Variants in SHANK1 observed in about 807,000 individuals in gnomAD.
SHANK1 encodes the protein SH3 and multiple ankyrin repeat domains 1, also known as SH3 and multiple ankyrin repeat domains protein 1.
Under a neutral mutation model 165.6 loss-of-function variants are expected in SHANK1, and 35 were observed. The ratio of observed to expected loss-of-function variants is 0.21; its 90% CI spans 0.16 to 0.28. The LOEUF (loss-of-function observed/expected upper bound fraction) is 0.28, where lower values mean the gene tolerates loss of function less well. Ranked by LOEUF, SHANK1 falls within the 10% of genes least tolerant of loss-of-function variation. The pLI is 1.00. For synonymous variants in SHANK1, 1,428 were observed against 1,384.8 expected, an observed-to-expected ratio of 1.03 and a Z score of -0.69; for missense variants, 2,681 against 3,036.4, an observed-to-expected ratio of 0.88 and a Z score of 2.75.
Position 50,713,646 on chromosome 19 carries a change from G to A in SHANK1, c.792+152C>T. On this transcript the variant is annotated intron_variant, in intron 6 of 23. Coordinates refer to ENST00000293441, the MANE Select transcript of SHANK1 (RefSeq NM_016148.5). This position sits in a 1 kb window ranked among gnomAD's most constrained non-coding sequence, Gnocchi z 6.2. ...GGGGGCCTGACAAGGGTGACAATAGGGGCTGTGTCTCAGTCTATGGAAAGG... is the reference window on the plus strand; with the variant it reads ...GGGGGCCTGACAAGGGTGACAATAGAGGCTGTGTCTCAGTCTATGGAAAGG... The A allele has an allele frequency of 9.7e-7, 1 of 1,025,960 alleles. No homozygotes were observed. Among genetic ancestry groups the A allele is most frequent in the Non-Finnish European group, 1.4e-6 (1 of 700,378 alleles). 63.6% of individuals were successfully genotyped at this position (1,025,960 alleles called of 1,614,324 possible).
At chr19:50,715,112 G>T (rs548047435) in intron 4 of SHANK1, among the ~76,000 whole-genome samples, 1 of 152,044 alleles carries the variant, frequency 6.6e-6, no homozygotes, top group South Asian at 2.1e-4. Flanking sequence ...AGCAGTTCCC[G>T]ATTTCCTCCC....
At position 50,667,868 on chromosome 19, in the gene SHANK1, C is replaced by T. The variant is rs1268943530; in HGVS notation, c.4092G>A (p.Leu1364=). The change falls in exon 23 of 24, where the codon CTG becomes CTA. Residue 1364 remains leucine, a synonymous_variant. Coordinates refer to ENST00000293441, the MANE Select transcript of SHANK1 (RefSeq NM_016148.5). The surrounding 1 kb of genome is among the most constrained non-coding windows in gnomAD (Gnocchi z 5.7). ...CCCCGCCGCCCTCCGAGGACTCCTT[C>T]AGCGCTCGCTCGCGGGCGGCCAGGG... ...GLALAARERA[L]KESSEGGGAP... 8 of 1,315,454 alleles carry T rather than the reference C, an allele frequency of 6.1e-6. No individual in the cohort carries two copies. Among genetic ancestry groups the T allele is most frequent in the South Asian group, 2.1e-5 (1 of 46,692 alleles). 81.5% of individuals were successfully genotyped at this position (1,315,454 alleles called of 1,614,324 possible).
In SHANK1 at chr19:50,659,645, T is replaced by C. The variant is rs1175833358; in HGVS notation, c.*2320A>G. Reference sequence around the variant, plus strand: ...TTTTTTGTGTGTTCTAGGGGTTTTGTGTTTTTTTTTTCTGTTTTTTATATT... The same window carrying C: ...TTTTTTGTGTGTTCTAGGGGTTTTGCGTTTTTTTTTTCTGTTTTTTATATT... On this transcript the variant is annotated 3_prime_UTR_variant, in exon 24 of 24. Transcript: ENST00000293441. 1.3e-5 allele frequency among the ~76,000 whole-genome samples: 2 copies of C among 148,502 alleles called. No homozygotes were observed. The highest frequency in any genetic ancestry group is 3.0e-5 in the Non-Finnish European group (2 of 67,134).
At chr19:50,692,472 T>TACACAC (rs200717369) in intron 15 of SHANK1, among the ~76,000 whole-genome samples, 10 of 145,356 alleles carry the variant, frequency 6.9e-5, no homozygotes, top group African/African-American at 2.4e-4. Flanking sequence ...TATATATATA[T>TACACAC]ACACACACAC....
At chr19:50,691,490 C>T (rs1184897762) in intron 15 of SHANK1, among the ~76,000 whole-genome samples, 1 of 152,114 alleles carries the variant, frequency 6.6e-6, no homozygotes, top group Non-Finnish European at 1.5e-5. Context: ...CAGCCTCATA[C>T]CCCATACATA....
rs1985105003 is a variant in SHANK1 at position 50,659,570 on chromosome 19, C to CGCATTCGGT, written c.*2394_*2395insACCGAATGC. Among the ~76,000 whole-genome samples, 1 of 149,206 alleles carries CGCATTCGGT rather than the reference C, an allele frequency of 6.7e-6. No homozygotes were observed. Among genetic ancestry groups the CGCATTCGGT allele is most frequent in the Non-Finnish European group, 1.5e-5 (1 of 67,208 alleles). On this transcript the variant is annotated 3_prime_UTR_variant, in exon 24 of 24. Transcript: ENST00000293441. Reference sequence around the variant, plus strand: ...CCCCCCTCCTCTTCCCCTCCCACCCCCCCTTGGAAGACAATTCTCGGGCTT... The same window carrying CGCATTCGGT: ...CCCCCCTCCTCTTCCCCTCCCACCCCGCATTCGGTCCCTTGGAAGACAATTCTCGGGCTT...
chr19:50,719,594 C>G lies in SHANK1; in HGVS notation c.-232G>C, dbSNP rs1175103631. The G allele has an allele frequency of 6.7e-6, 1 of 149,110 alleles. No individual in the cohort carries two copies. Among genetic ancestry groups the G allele is most frequent in the African/African-American group, 2.5e-5 (1 of 40,748 alleles). The allele number at this position is 149,110 out of a possible 1,614,324, so 9.2% of individuals were successfully genotyped here. A position where few individuals can be genotyped will look rare whatever the true frequency, so the allele number is the denominator to read the frequency against. On this transcript the variant is annotated 5_prime_UTR_variant, in exon 1 of 24. Transcript: ENST00000293441. ...GGGAGGGCCGAGGACCTCACCCCCC[C>G]CGCGGGCCGGGCCTGGCCATCCGCA...
intron 8 of SHANK1, among the ~76,000 whole-genome samples, chr19:50,710,091 C>G (rs965878028): frequency 6.6e-6 from 1 of 152,178 alleles, no homozygotes; most frequent in Non-Finnish European, 1.5e-5. Context: ...GCTCCCCACC[C>G]CCATCTGCCT....
intron 21 of SHANK1, among the ~76,000 whole-genome samples, chr19:50,684,621 A>G (rs1986277932): frequency 2.0e-5 from 3 of 152,166 alleles, no homozygotes; most frequent in South Asian, 4.1e-4. Flanking sequence ...AGGAAAAAAA[A>G]TCCTATGTCT....
At chr19:50,675,882 C>T (rs1217551878) in intron 21 of SHANK1, among the ~76,000 whole-genome samples, 3 of 152,034 alleles carry the variant, frequency 2.0e-5, no homozygotes, top group African/African-American at 7.3e-5. Context: ...TGCATGCCTA[C>T]GGTCCCAGGG....
rs143043919 is a variant in SHANK1, at chr19:50,661,851, G to A, written c.*114C>T. ...TGGCCTTGGGAGATGAGGGCAGGGC[G>A]CAGTTTGAACAGAGTCCCTGGCCCG... On this transcript the variant is annotated 3_prime_UTR_variant, in exon 24 of 24. Transcript: ENST00000293441. 1.1e-4 allele frequency: 135 copies of A among 1,203,740 alleles called. No individual in the cohort carries two copies. The highest frequency in any genetic ancestry group is 2.7e-4 in the Middle Eastern group (1 of 3,658). 74.6% of individuals were successfully genotyped at this position (1,203,740 alleles called of 1,614,324 possible). A position where few individuals can be genotyped will look rare whatever the true frequency, so the allele number is the denominator to read the frequency against.
intron 15 of SHANK1, chr19:50,689,503 C>T (rs1423862933): frequency 1.5e-6 from 1 of 672,900 alleles, no homozygotes; most frequent in Non-Finnish European, 2.7e-6. Flanking sequence ...CCTCTCTCCT[C>T]ATTCATCCAT....
At chr19:50,711,035 G>A in intron 8 of SHANK1, 1 of 217,754 alleles carries the variant, frequency 4.6e-6, no homozygotes, top group South Asian at 9.5e-5. Flanking sequence ...GCTCCCGCAG[G>A]GATCTGGATT....
At position 50,675,631 on chromosome 19, in the gene SHANK1, T is replaced by C. The variant is rs118124841; in HGVS notation, c.2578-3517A>G. Among the ~76,000 whole-genome samples the C allele has an allele frequency of 3.7e-3, 560 of 152,310 alleles. 3 individuals carry two copies. The highest frequency in any genetic ancestry group is 7.0e-3 in the Admixed American group (107 of 15,288). ...GCCCACAGGAAGGGCAAGCAGGCCA[T>C]AAACAGCATAAATTCGTAAAATATA... On this transcript the variant is annotated intron_variant, in intron 21 of 23. Coordinates refer to ENST00000293441, the MANE Select transcript of SHANK1 (RefSeq NM_016148.5).
chr19:50,704,134 C>T lies in SHANK1; in HGVS notation c.1208G>A (p.Arg403Gln), dbSNP rs771565809. 2.7e-5 allele frequency: 44 copies of T among 1,613,666 alleles called. No homozygotes were observed. In the East Asian group the frequency reaches 6.2e-4, roughly 23 times the overall value. ...CTGTCACTCACCCACATCCTGTTCT[C>T]GGTGGTTTCGGATCAGCTCCCCCAG... ...FELGELIRNHREQDVVPFQES... is the reference protein window; with the variant it reads ...FELGELIRNHQEQDVVPFQES... Residue 403 changes from arginine to glutamine, a missense_variant, in exon 10 of 24, where the codon CGA becomes CAA. This residue lies in a region of SHANK1 where 49 missense variants were observed against 55.6 expected (regional missense o/e 0.88). Coordinates refer to ENST00000293441, the MANE Select transcript of SHANK1 (RefSeq NM_016148.5).
intron 8 of SHANK1, 132 bp from the exon 9 acceptor site, chr19:50,704,646 GC>G: frequency 1.3e-6 from 1 of 775,490 alleles, no homozygotes; most frequent in Non-Finnish European, 2.2e-6. Context: ...ACTGAGGACA[GC>G]AGCCACCTGC....
rs1204283400 is a variant in SHANK1, at chr19:50,702,006, C to T, written c.1747+461G>A. Among the ~76,000 whole-genome samples the T allele has an allele frequency of 1.3e-5, 2 of 152,176 alleles. No homozygotes were observed. Among genetic ancestry groups the T allele is most frequent in the Admixed American group, 6.5e-5 (1 of 15,276 alleles). The stretch of plus-strand genomic sequence containing the variant: ...TCCCTGCCTGTCTCTCAGTTGAGGA[C>T]CCCTGGACAGATGCAGGAGGCAAAG... On this transcript the variant is annotated intron_variant, in intron 12 of 23. Transcript: ENST00000293441. The surrounding 1 kb of genome is among the most constrained non-coding windows in gnomAD (Gnocchi z 5.3).
chr19:50,695,977 ACAGCACAGGCCAGGC>A (rs1986725844), intron 15 of SHANK1, among the ~76,000 whole-genome samples: 1 of 152,192 alleles, frequency 6.6e-6, no homozygotes, highest in South Asian at 2.1e-4. Flanking sequence ...GGCGCACGGC[ACAGCACAGGCCAGGC>A]CAGCGCAGAC....
chr19:50,681,200 C>A (rs145180504), intron 21 of SHANK1, among the ~76,000 whole-genome samples: 2 of 151,346 alleles, frequency 1.3e-5, no homozygotes, highest in African/African-American at 4.9e-5. Flanking sequence ...ACTCAGAGAG[C>A]GGGAAAGATA....
Sources: gnomAD v4.1 joint callset for allele counts (sites outside exome capture counted in the v4.1 genomes callset) on GRCh38, gnomAD v4.1.1 for gene constraint, gnomAD v4.1.1 regional missense constraint, Gnocchi (gnomAD v3.1) non-coding constraint, MANE v1.5 for transcripts, NCBI Gene and HGNC (gene_info 2026-07-23, HGNC 2026-07-21) for gene names.